The following MID1 variants were observed in gnomAD, a reference collection of about 807,000 sequenced individuals.
MID1 encodes midline 1, also known as E3 ubiquitin-protein ligase Midline-1.
Under a neutral mutation model 40.4 loss-of-function variants are expected in MID1, and 7 were observed. The observed-to-expected ratio is 0.17, with a 90% CI of 0.10 to 0.33. The LOEUF (loss-of-function observed/expected upper bound fraction) is 0.33, where lower values mean the gene tolerates loss of function less well. Among genes scored for constraint, MID1 ranks in the 10% least tolerant of loss-of-function variants. The pLI is 1.00. For synonymous variants in MID1, 229 were observed against 221.2 expected (o/e 1.04, Z -0.31); for missense variants, 367 against 558.5 (o/e 0.66, Z 3.46).
At chrX:10,817,090 G>A (rs766149566) in intron 1 of MID1, among the ~76,000 whole-genome samples, 2 of 112,340 alleles carry the variant, frequency 1.8e-5, no homozygotes, top group South Asian at 7.4e-4. Context: ...CTCTATGAAT[G>A]AGAGTATCTG....
At chrX:10,688,925 C>T (rs988923796) in intron 1 of MID1, among the ~76,000 whole-genome samples, 17 of 110,306 alleles carry the variant, frequency 1.5e-4, no homozygotes, top group Middle Eastern at 9.3e-3. Flanking sequence ...GCTTGTTAAC[C>T]GCTGGCCTAG....
At chrX:10,562,716 T>A (rs1226329635) in intron 2 of MID1, among the ~76,000 whole-genome samples, 1 of 106,414 alleles carries the variant, frequency 9.4e-6, no homozygotes, top group African/African-American at 3.8e-5. Flanking sequence ...CTTGTATCCA[T>A]CTACCAAACA....
intron 6 of MID1, among the ~76,000 whole-genome samples, chrX:10,472,593 T>C (rs1489951871): frequency 1.8e-5 from 2 of 112,621 alleles, no homozygotes; most frequent in East Asian, 5.6e-4. Flanking sequence ...GACATGACCT[T>C]GTAACACAGA....
At chrX:10,578,360 C>T (rs1449140502) in intron 1 of MID1, among the ~76,000 whole-genome samples, 2 of 112,368 alleles carry the variant, frequency 1.8e-5, no homozygotes, top group Non-Finnish European at 1.9e-5. Flanking sequence ...CAAAATTCTA[C>T]AGGCCTAACT....
At chrX:10,812,637 T>C (rs1413232314) in intron 1 of MID1, among the ~76,000 whole-genome samples, 2 of 110,843 alleles carry the variant, frequency 1.8e-5, no homozygotes, top group South Asian at 3.9e-4. Context: ...AGCATGCGAG[T>C]CATTCCATTC....
intron 1 of MID1, among the ~76,000 whole-genome samples, chrX:10,789,693 C>T (rs1027667382): frequency 5.4e-5 from 6 of 112,023 alleles, no homozygotes; most frequent in African/African-American, 1.9e-4. Flanking sequence ...AACGCAGTCT[C>T]GTCGTTAAGT....
intron 1 of MID1, among the ~76,000 whole-genome samples, chrX:10,702,240 T>A (rs1437667617): frequency 3.6e-5 from 4 of 112,400 alleles, no homozygotes; most frequent in African/African-American, 1.3e-4. Context: ...TTCCCTTTTT[T>A]TAATTACAGT....
At chrX:10,598,264 G>A (rs182650178) in intron 1 of MID1, among the ~76,000 whole-genome samples, 2 of 112,103 alleles carry the variant, frequency 1.8e-5, no homozygotes, top group South Asian at 3.7e-4. Context: ...ACAAAACTTC[G>A]CTTTGGCCCT....
chrX:10,720,016 T>G (rs1300686878), intron 1 of MID1, among the ~76,000 whole-genome samples: 1 of 111,823 alleles, frequency 8.9e-6, no homozygotes, highest in African/African-American at 3.3e-5. Flanking sequence ...TGAAACTGCA[T>G]CCCTTCCTTA....
chrX:10,492,818 C>G (rs889938017), intron 4 of MID1, among the ~76,000 whole-genome samples: 27 of 112,299 alleles, frequency 2.4e-4, no homozygotes, highest in African/African-American at 8.4e-4. Flanking sequence ...TTTGGTTCAG[C>G]TATATGTCTT....
At chrX:10,579,439 C>T (rs1346540774) in intron 1 of MID1, among the ~76,000 whole-genome samples, 2 of 112,007 alleles carry the variant, frequency 1.8e-5, no homozygotes, top group Non-Finnish European at 3.8e-5. Context: ...TGCAACATTT[C>T]ACAACTGTTC....
At chrX:10,703,842 C>T (rs1043825476) in intron 1 of MID1, among the ~76,000 whole-genome samples, 13 of 111,872 alleles carry the variant, frequency 1.2e-4, no homozygotes, top group African/African-American at 4.2e-4. Flanking sequence ...ATTTTAAAAA[C>T]AAGAAAGACC....
chrX:10,544,680 T>C (rs1970610894), intron 2 of MID1, among the ~76,000 whole-genome samples: 1 of 111,964 alleles, frequency 8.9e-6, no homozygotes, highest in African/African-American at 3.3e-5. Flanking sequence ...TAGAAATATA[T>C]ACAGTATTCC....
intron 4 of MID1, among the ~76,000 whole-genome samples, chrX:10,487,578 AGAT>A (rs1258969991): frequency 9.0e-6 from 1 of 111,697 alleles, no homozygotes; most frequent in East Asian, 2.8e-4. Flanking sequence ...ACCACAGTCA[AGAT>A]AATAAACATA....
chrX:10,801,882 C>G (rs1473531596), intron 1 of MID1, among the ~76,000 whole-genome samples: 3 of 111,933 alleles, frequency 2.7e-5, no homozygotes, highest in Admixed American at 9.5e-5. Flanking sequence ...TTCTGTACAG[C>G]AAAAGAAACT....
At chrX:10,464,683 A>ACAGTTAT (rs1359859832) in intron 7 of MID1, among the ~76,000 whole-genome samples, 1 of 112,134 alleles carries the variant, frequency 8.9e-6, no homozygotes, top group African/African-American at 3.2e-5. Context: ...TCGGGTTGCC[A>ACAGTTAT]CAGTTATCAG....
chrX:10,733,814 G>T (rs1005420184), intron 1 of MID1, among the ~76,000 whole-genome samples: 1 of 112,037 alleles, frequency 8.9e-6, no homozygotes, highest in Non-Finnish European at 1.9e-5. Flanking sequence ...TGAGGATGTG[G>T]AGCAACCAAA....
At chrX:10,784,605 C>T (rs1453250362) in intron 1 of MID1, among the ~76,000 whole-genome samples, 1 of 108,710 alleles carries the variant, frequency 9.2e-6, no homozygotes, top group Non-Finnish European at 1.9e-5. Flanking sequence ...GCCACCACGC[C>T]CGGCTAATTT....
intron 1 of MID1, among the ~76,000 whole-genome samples, chrX:10,744,155 C>G (rs1374952770): frequency 9.0e-6 from 1 of 111,481 alleles, no homozygotes; most frequent in South Asian, 3.8e-4. Flanking sequence ...ATAGCTCTGC[C>G]TCCTGGCCCA....
Sources: gnomAD v4.1 joint callset for allele counts (sites outside exome capture counted in the v4.1 genomes callset) on GRCh38, gnomAD v4.1.1 for gene constraint, MANE v1.5 for transcripts, NCBI Gene and HGNC (gene_info 2026-07-23, HGNC 2026-07-21) for gene names.